OLFML2B: variants seen among roughly 807,000 people sequenced by gnomAD.
OLFML2B encodes olfactomedin like 2B.
A neutral mutation model predicts 74.9 loss-of-function variants in OLFML2B; 57 were observed. That is an observed-to-expected ratio of 0.76 (90% CI 0.61 to 0.95). OLFML2B has a LOEUF of 0.95. Among genes scored for constraint, OLFML2B ranks in the 40% least tolerant of loss-of-function variants. The probability of loss-of-function intolerance (pLI) is 0.00; values close to 1 mark genes in which losing one functional copy is unlikely to be tolerated. For missense variants in OLFML2B, 986 were observed against 970.6 expected, an observed-to-expected ratio of 1.02 and a Z score of -0.21; for synonymous variants, 388 against 405.8, an observed-to-expected ratio of 0.96 and a Z score of 0.53.
chr1:161,988,350 T>C lies in OLFML2B; in HGVS notation c.1475-3370A>G, dbSNP rs189886469. ...ATCAGCAAGCAAGAGCCTTCCTGGC[T>C]CTCCCCAGCTCTCAGCTCTGGTGCT... is the stretch of plus-strand genomic sequence containing the variant. On this transcript the variant is annotated intron_variant, in intron 6 of 7. Transcript: ENST00000294794. 4.6e-3 allele frequency among the ~76,000 whole-genome samples: 706 copies of C among 152,180 alleles called. 6 individuals are homozygous for C. The highest frequency in any genetic ancestry group is 0.027 in the South Asian group (130 of 4,816).
intron 6 of OLFML2B, among the ~76,000 whole-genome samples, chr1:161,992,433 C>T (rs1404471349): frequency 6.6e-6 from 1 of 152,242 alleles, no homozygotes; most frequent in African/African-American, 2.4e-5. Flanking sequence ...TGGAGTAGCA[C>T]TTTTAATTTC....
At chr1:162,000,452 A>G (rs1229811158) in intron 4 of OLFML2B, 114 bp from the exon 5 acceptor site, 7 of 730,550 alleles carry the variant, frequency 9.6e-6, no homozygotes, top group Non-Finnish European at 4.6e-6. Context: ...ACTTCCGAAG[A>G]GCCAGGCACT....
chr1:161,992,814 A>G (rs1035125157), intron 6 of OLFML2B, among the ~76,000 whole-genome samples: 5 of 152,230 alleles, frequency 3.3e-5, no homozygotes, highest in Non-Finnish European at 7.3e-5. Flanking sequence ...ATTGTCAAAG[A>G]TCACTGATCA....
In OLFML2B at chr1:162,020,013, T is replaced by C. The variant is rs971750402; in HGVS notation, c.344A>G (p.Lys115Arg). 2.5e-6 allele frequency: 4 copies of C among 1,614,062 alleles called. No individual in the cohort carries two copies. In the Admixed American group the frequency reaches 5.0e-5, roughly 20 times the overall value. ...CGATGGGGGTGCTACACAGGCACAC[T>C]TGCACGACGAGCCTGAGGTGATGGT... ...VETITSGSSC[K>R]CACVAPPSAL... Residue 115 changes from lysine (K) to arginine (R), a missense_variant, in exon 2 of 8, where the codon AAG becomes AGG. Coordinates refer to ENST00000294794, the MANE Select transcript of OLFML2B (RefSeq NM_015441.3).
chr1:161,997,156 C>T (rs1689934165), intron 6 of OLFML2B, among the ~76,000 whole-genome samples: 1 of 151,170 alleles, frequency 6.6e-6, no homozygotes, highest in Non-Finnish European at 1.5e-5. Context: ...GACTCTGTCT[C>T]AAAAAAGAAA....
At chr1:162,011,587 G>T (rs1251662862) in intron 3 of OLFML2B, among the ~76,000 whole-genome samples, 1 of 152,206 alleles carries the variant, frequency 6.6e-6, no homozygotes, top group African/African-American at 2.4e-5. Flanking sequence ...GGAGAGACAG[G>T]CAGGCCTGGG....
At chr1:161,995,195 T>C (rs1689857543) in intron 6 of OLFML2B, among the ~76,000 whole-genome samples, 1 of 151,802 alleles carries the variant, frequency 6.6e-6, no homozygotes, top group South Asian at 2.1e-4. Context: ...GAAACAAACT[T>C]GTTGAAGCTA....
At chr1:161,991,195 A>C (rs1294075434) in intron 6 of OLFML2B, among the ~76,000 whole-genome samples, 1 of 152,174 alleles carries the variant, frequency 6.6e-6, no homozygotes, top group Non-Finnish European at 1.5e-5. Context: ...TTAATGATGA[A>C]TCCTTTCCAG....
At chr1:161,985,422 C>CTT (rs1190481094) in intron 6 of OLFML2B, among the ~76,000 whole-genome samples, 1 of 152,188 alleles carries the variant, frequency 6.6e-6, no homozygotes, top group Non-Finnish European at 1.5e-5. Context: ...CCACGCCTGC[C>CTT]CCCAACCGGA....
At chr1:161,988,801 C>T (rs1689658190) in intron 6 of OLFML2B, among the ~76,000 whole-genome samples, 1 of 152,128 alleles carries the variant, frequency 6.6e-6, no homozygotes, top group Non-Finnish European at 1.5e-5. Flanking sequence ...CACCGTGAAT[C>T]CATCCAACTA....
chr1:162,008,276 C>T (rs1399314490), intron 3 of OLFML2B, among the ~76,000 whole-genome samples: 1 of 152,156 alleles, frequency 6.6e-6, no homozygotes, highest in African/African-American at 2.4e-5. Flanking sequence ...TAAGTGGCTG[C>T]TATTTTTCAT....
intron 3 of OLFML2B, among the ~76,000 whole-genome samples, chr1:162,006,761 A>G (rs1690246095): frequency 6.6e-6 from 1 of 152,222 alleles, no homozygotes; most frequent in African/African-American, 2.4e-5. Flanking sequence ...CTGGGCCACC[A>G]GGACACCAGG....
At chr1:162,006,696 C>T (rs985865333) in intron 3 of OLFML2B, among the ~76,000 whole-genome samples, 1 of 152,196 alleles carries the variant, frequency 6.6e-6, no homozygotes, top group African/African-American at 2.4e-5. Context: ...TATCCAACTA[C>T]AGAAAATACT....
chr1:162,021,866 T>C (rs984115756), intron 1 of OLFML2B, among the ~76,000 whole-genome samples: 2 of 152,118 alleles, frequency 1.3e-5, no homozygotes, highest in Non-Finnish European at 1.5e-5. Context: ...AGAGCCCCAG[T>C]GTGAGAGATT....
intron 6 of OLFML2B, among the ~76,000 whole-genome samples, chr1:161,992,943 G>A (rs943404800): frequency 2.8e-5 from 4 of 142,186 alleles, no homozygotes; most frequent in Non-Finnish European, 4.7e-5. Flanking sequence ...TTGACACAGC[G>A]TTGCCACAAA....
rs73021254 is a variant in OLFML2B at position 161,998,282 on chromosome 1, G to A, written c.1017C>T (p.Asn339=). 4,485 of 1,601,804 alleles carry A rather than the reference G, an allele frequency of 2.8e-3. 122 individuals are homozygous for A. The African/African-American group carries it at 0.053, about 19-fold the overall frequency. The change falls in exon 6 of 8, where the codon AAC becomes AAT. Residue 339 remains asparagine, a synonymous_variant. Transcript: ENST00000294794. ...LLIEDQLLRH[N]GLMTSVTRRP... ...TCCGGGTGACACTGGTCATCAGGCC[G>A]TTGTGTCTCAGGAGCTGATCTTCAA... is the stretch of plus-strand genomic sequence containing the variant.
intron 4 of OLFML2B, 51 bp downstream of exon 4, chr1:162,006,246 A>G: frequency 6.7e-7 from 1 of 1,487,500 alleles, no homozygotes; most frequent in Non-Finnish European, 9.0e-7. Context: ...AGATGCTGAT[A>G]TCACACTTCC....
chr1:162,017,550 A>C (rs1290457974), intron 2 of OLFML2B, 43 bp from the exon 3 acceptor site: 1 of 1,442,474 alleles, frequency 6.9e-7, no homozygotes, highest in Non-Finnish European at 9.6e-7. Flanking sequence ...TGGGGCACAC[A>C]GACACAGGGC....
In OLFML2B at chr1:162,023,319, C is replaced by A. The variant is rs770048301; in HGVS notation, c.112G>T (p.Ala38Ser). 2.5e-6 allele frequency: 4 copies of A among 1,606,856 alleles called. No individual in the cohort carries two copies. The East Asian group carries it at 9.0e-5, about 36-fold the overall frequency. ...TSEPPDAQTV[A>S]PAEDETLQNE... is the part of the protein sequence containing the mutation. ...TGCAGAGTCTCGTCCTCCGCAGGCG[C>A]CACTGTCTGCGCATCTGGGGGCTCG... is the stretch of plus-strand genomic sequence containing the variant. Residue 38 changes from alanine (A) to serine (S), a missense_variant, in exon 1 of 8, where the codon GCG becomes TCG. Coordinates refer to ENST00000294794, the MANE Select transcript of OLFML2B (RefSeq NM_015441.3).
Sources: gnomAD v4.1 joint callset for allele counts (sites outside exome capture counted in the v4.1 genomes callset) on GRCh38, gnomAD v4.1.1 for gene constraint, MANE v1.5 for transcripts, NCBI Gene and HGNC (gene_info 2026-07-23, HGNC 2026-07-21) for gene names.